PRKG1: variants seen among roughly 807,000 people sequenced by gnomAD.
The protein encoded by PRKG1 is cGMP-dependent protein kinase 1.
PRKG1 carries 35 observed loss-of-function variants against 88.1 expected under a neutral mutation model. That is an observed-to-expected ratio of 0.40 (90% CI 0.30 to 0.53). The LOEUF is 0.53. PRKG1 is among the 20% of genes least tolerant of loss of function. PRKG1 has a pLI of 0.59. For synonymous variants in PRKG1, 303 were observed against 292.5 expected, an observed-to-expected ratio of 1.04 and a Z score of -0.37; for missense variants, 540 against 839.8, an observed-to-expected ratio of 0.64 and a Z score of 4.41.
At chr10:51,104,722 A>ATTTC (rs1256250206) in intron 1 of PRKG1, among the ~76,000 whole-genome samples, 3 of 147,710 alleles carry the variant, frequency 2.0e-5, no homozygotes, top group Admixed American at 6.8e-5. Flanking sequence ...TTATTTATTT[A>ATTTC]TTTATTTATT....
chr10:52,228,346 C>T (rs1043743573), intron 9 of PRKG1, among the ~76,000 whole-genome samples: 1 of 151,602 alleles, frequency 6.6e-6, no homozygotes, highest in Non-Finnish European at 1.5e-5. Context: ...CACTGCGTTG[C>T]TGGTCTCAGA....
intron 7 of PRKG1, among the ~76,000 whole-genome samples, chr10:52,127,423 A>G (rs1847955699): frequency 1.3e-5 from 2 of 152,164 alleles, no homozygotes; most frequent in South Asian, 2.1e-4. Flanking sequence ...AGTTGACGTC[A>G]TAGTGTTATG....
At chr10:51,060,064 C>A (rs1843676816) in intron 1 of PRKG1, among the ~76,000 whole-genome samples, 1 of 151,886 alleles carries the variant, frequency 6.6e-6, no homozygotes, top group African/African-American at 2.4e-5. Flanking sequence ...TAAGAGATAT[C>A]CCTTTTTAAC....
intron 4 of PRKG1, among the ~76,000 whole-genome samples, chr10:51,832,777 A>G (rs1937697): frequency 0.21 from 31,811 of 152,056 alleles, 5,342 homozygotes; most frequent in African/African-American, 0.47. Flanking sequence ...GGCTTCTCTG[A>G]AGGAGGTGGC....
intron 3 of PRKG1, among the ~76,000 whole-genome samples, chr10:51,514,784 G>C (rs1841529785): frequency 6.6e-6 from 1 of 152,206 alleles, no homozygotes; most frequent in African/African-American, 2.4e-5. Flanking sequence ...AGTGTTTCCA[G>C]GTTTTCAGTC....
chr10:51,384,914 C>T (rs1391344835), intron 2 of PRKG1, among the ~76,000 whole-genome samples: 2 of 152,144 alleles, frequency 1.3e-5, no homozygotes, highest in Non-Finnish European at 2.9e-5. Flanking sequence ...TTCATGAGTT[C>T]TGTACTATTT....
chr10:51,363,801 T>G (rs1842535111), intron 2 of PRKG1, among the ~76,000 whole-genome samples: 1 of 151,938 alleles, frequency 6.6e-6, no homozygotes, highest in Admixed American at 6.6e-5. Flanking sequence ...CTCTCTGCCC[T>G]TCTCTGCCCT....
At chr10:51,006,198 C>A (rs138537273) in intron 1 of PRKG1, among the ~76,000 whole-genome samples, 1 of 152,256 alleles carries the variant, frequency 6.6e-6, no homozygotes, top group Non-Finnish European at 1.5e-5. Flanking sequence ...TCTCCCAAGG[C>A]AGTTGGATCT....
At chr10:52,208,859 T>C (rs1349368719) in intron 9 of PRKG1, among the ~76,000 whole-genome samples, 1 of 152,210 alleles carries the variant, frequency 6.6e-6, no homozygotes, top group African/African-American at 2.4e-5. Context: ...TATGTGTAGA[T>C]ATATTCTAAT....
intron 3 of PRKG1, among the ~76,000 whole-genome samples, chr10:51,790,828 CT>C (rs1425650877): frequency 6.6e-6 from 1 of 152,100 alleles, no homozygotes; most frequent in Non-Finnish European, 1.5e-5. Flanking sequence ...TGCATTGATC[CT>C]TTTGCTTCTG....
At chr10:52,158,037 G>C (rs1300980918) in intron 8 of PRKG1, among the ~76,000 whole-genome samples, 1 of 151,698 alleles carries the variant, frequency 6.6e-6, no homozygotes, top group Non-Finnish European at 1.5e-5. Flanking sequence ...AAGGTTTGCT[G>C]TGGAGATGCC....
At chr10:51,508,352 T>C (rs1841289319) in intron 3 of PRKG1, among the ~76,000 whole-genome samples, 1 of 152,176 alleles carries the variant, frequency 6.6e-6, no homozygotes. Flanking sequence ...ACTTTCATGA[T>C]AATATTTTTA....
At chr10:51,554,017 C>T (rs1289781202) in intron 3 of PRKG1, among the ~76,000 whole-genome samples, 2 of 126,900 alleles carry the variant, frequency 1.6e-5, no homozygotes, top group Non-Finnish European at 3.3e-5. Flanking sequence ...ATTATATGTG[C>T]GTATGTGATA....
chr10:52,119,823 T>C (rs143155869), intron 7 of PRKG1, among the ~76,000 whole-genome samples: 2 of 152,242 alleles, frequency 1.3e-5, no homozygotes, highest in East Asian at 3.9e-4. Flanking sequence ...TGTGGCCCCA[T>C]ATCTTTTGAG....
At chr10:51,823,026 T>C (rs1839789541) in intron 4 of PRKG1, among the ~76,000 whole-genome samples, 1 of 152,152 alleles carries the variant, frequency 6.6e-6, no homozygotes, top group Non-Finnish European at 1.5e-5. Flanking sequence ...TTTTTCATTG[T>C]CTCACAAGGT....
At chr10:51,396,370 G>A (rs530522340) in intron 2 of PRKG1, among the ~76,000 whole-genome samples, 27 of 151,932 alleles carry the variant, frequency 1.8e-4, no homozygotes, top group African/African-American at 5.3e-4. Context: ...TTCCAGCTTG[G>A]GCAACAGAGT....
At chr10:51,368,923 A>G (rs1417358119) in intron 2 of PRKG1, among the ~76,000 whole-genome samples, 1 of 152,096 alleles carries the variant, frequency 6.6e-6, no homozygotes, top group Non-Finnish European at 1.5e-5. Flanking sequence ...GAGTAAGAAG[A>G]AACGGAGAAA....
chr10:51,520,426 C>T (rs909524667), intron 3 of PRKG1, among the ~76,000 whole-genome samples: 3 of 151,370 alleles, frequency 2.0e-5, no homozygotes, highest in African/African-American at 7.3e-5. Flanking sequence ...AAATTAATCT[C>T]TAAATTTCAT....
rs915584361 is a variant in PRKG1, at chr10:51,500,598, T to C, written c.592+32762T>C. The stretch of plus-strand genomic sequence containing the variant: ...AACCTTATATTGGGGCTGATAGTAT[T>C]ATATAGAGCCTGGTTATCTTTCAAG... On this transcript the variant is annotated intron_variant, in intron 3 of 17. Coordinates refer to ENST00000373980, the MANE Select transcript of PRKG1 (RefSeq NM_006258.4). Among the ~76,000 whole-genome samples the C allele has an allele frequency of 5.9e-5, 9 of 152,214 alleles. No homozygotes were observed. In the East Asian group the frequency reaches 1.7e-3, roughly 29 times the overall value.
Sources: allele counts gnomAD v4.1 joint callset (sites outside exome capture counted in the v4.1 genomes callset), GRCh38; gene constraint gnomAD v4.1.1; transcripts MANE v1.5; gene names NCBI Gene and HGNC (gene_info 2026-07-23, HGNC 2026-07-21).